FAM168A: variants seen among roughly 807,000 people sequenced by gnomAD.
The protein encoded by FAM168A is protein FAM168A.
Under a neutral mutation model 28.5 loss-of-function variants are expected in FAM168A, and 3 were observed. The ratio of observed to expected loss-of-function variants is 0.11; its 90% CI spans 0.05 to 0.27. The LOEUF (loss-of-function observed/expected upper bound fraction) is 0.27, where lower values mean the gene tolerates loss of function less well. Ranked by LOEUF, FAM168A falls within the 10% of genes least tolerant of loss-of-function variation. The probability of loss-of-function intolerance (pLI) is 1.00; values close to 1 mark genes in which losing one functional copy is unlikely to be tolerated. For missense variants in FAM168A, 222 were observed against 311.5 expected (o/e 0.71, Z 2.16); for synonymous variants, 122 against 124.2 (o/e 0.98, Z 0.12).
intron 1 of FAM168A, among the ~76,000 whole-genome samples, chr11:73,533,241 T>C (rs992043026): frequency 6.6e-6 from 1 of 152,120 alleles, no homozygotes; most frequent in Admixed American, 6.6e-5. Flanking sequence ...TGAGATAATA[T>C]AGATGAAAGC....
At chr11:73,442,955 G>GAGATATATATAT (rs1280345663) in intron 2 of FAM168A, among the ~76,000 whole-genome samples, 1 of 40,228 alleles carries the variant, frequency 2.5e-5, no homozygotes, top group African/African-American at 6.7e-5. Flanking sequence ...ATATACAAAG[G>GAGATATATATAT]ATATATATAT....
At chr11:73,501,330 T>C (rs534352130) in intron 1 of FAM168A, among the ~76,000 whole-genome samples, 11 of 152,316 alleles carry the variant, frequency 7.2e-5, no homozygotes, top group South Asian at 2.1e-4. Context: ...AACTTAGCTC[T>C]GGATCAAGTG....
intron 1 of FAM168A, among the ~76,000 whole-genome samples, chr11:73,584,510 G>A (rs1157504312): frequency 2.4e-5 from 3 of 126,948 alleles, no homozygotes; most frequent in Non-Finnish European, 3.1e-5. Flanking sequence ...GTCTTGCTCC[G>A]TCACCCAGGC....
rs769542145 is a variant in FAM168A, at chr11:73,411,502, C to T, written c.312G>A (p.Pro104=). The T allele has an allele frequency of 1.4e-5, 23 of 1,613,856 alleles. No homozygotes were observed. In the East Asian group the frequency reaches 1.8e-4, roughly 13 times the overall value. The change falls in exon 5 of 8, where the codon CCG becomes CCA. Residue 104 remains proline (P), a synonymous_variant. Coordinates refer to ENST00000356467, the MANE Select transcript of FAM168A (RefSeq NM_015159.3). ...YTAGTPYKVP[P]TQSNTAPPPY... is the part of the protein sequence containing the mutation. The stretch of plus-strand genomic sequence containing the variant: ...GGGGTGGAGCAGTGTTACTCTGGGT[C>T]GGTGGGACCTTGTATGGTGTCCCCG...
chr11:73,544,211 G>A (rs986539449), intron 1 of FAM168A, among the ~76,000 whole-genome samples: 3 of 152,082 alleles, frequency 2.0e-5, no homozygotes, highest in African/African-American at 7.2e-5. Context: ...CCAGGGAAAC[G>A]CACATCAAAC....
intron 1 of FAM168A, among the ~76,000 whole-genome samples, chr11:73,540,772 C>T (rs779596610): frequency 2.0e-5 from 3 of 152,010 alleles, no homozygotes; most frequent in Non-Finnish European, 4.4e-5. Flanking sequence ...TCTTTATTAA[C>T]ATGTTTGTTT....
At chr11:73,513,656 G>A (rs564650968) in intron 1 of FAM168A, among the ~76,000 whole-genome samples, 5 of 152,182 alleles carry the variant, frequency 3.3e-5, no homozygotes, top group South Asian at 2.1e-4. Flanking sequence ...CCTGGAGGAC[G>A]ACGGCCCTCC....
intron 5 of FAM168A, 140 bp from the exon 6 acceptor site, chr11:73,409,801 G>A: frequency 1.3e-6 from 1 of 799,828 alleles, no homozygotes; most frequent in South Asian, 2.0e-5. Flanking sequence ...GGTCAGTGCA[G>A]TGCTGGGCTC....
In FAM168A at chr11:73,559,771, G is replaced by T. The variant is rs547492333; in HGVS notation, c.-19+38152C>A. ...CCACTAAATTGTTCACTTTAAAGTGGTTAATTTCAACAATGATATATAAAT... is the reference window on the plus strand; with the variant it reads ...CCACTAAATTGTTCACTTTAAAGTGTTTAATTTCAACAATGATATATAAAT... On this transcript the variant is annotated intron_variant, in intron 1 of 7. Transcript: ENST00000356467. Among the ~76,000 whole-genome samples the T allele has an allele frequency of 2.7e-3, 416 of 152,292 alleles. 3 individuals are homozygous for T. The highest frequency in any genetic ancestry group is 9.5e-3 in the African/African-American group (394 of 41,558).
rs535627538 is a variant in FAM168A at position 73,444,023 on chromosome 11, A to C, written c.71-13253T>G. Among the ~76,000 whole-genome samples the C allele has an allele frequency of 1.9e-4, 29 of 152,358 alleles. 1 individual carries two copies. The South Asian group carries it at 5.8e-3, about 30-fold the overall frequency. ...CTCCTCTGGCTATCCTAAAGGAGCC[A>C]TCATAGTCCAGTGGGAAGAACGGGG... is the stretch of plus-strand genomic sequence containing the variant. On this transcript the variant is annotated intron_variant, in intron 2 of 7. Coordinates refer to ENST00000356467, the MANE Select transcript of FAM168A (RefSeq NM_015159.3).
At chr11:73,445,511 C>G (rs1867296414) in intron 2 of FAM168A, among the ~76,000 whole-genome samples, 1 of 145,410 alleles carries the variant, frequency 6.9e-6, no homozygotes, top group Admixed American at 7.0e-5. Context: ...AGTGATCCTC[C>G]CTCCTCAGCA....
At chr11:73,411,680 C>T (rs928900784) in intron 4 of FAM168A, 144 bp from the exon 5 acceptor site, 2 of 892,126 alleles carry the variant, frequency 2.2e-6, no homozygotes, top group Non-Finnish European at 3.5e-6. Context: ...GAGAACAGGG[C>T]TCCACCCAGA....
At position 73,405,375 on chromosome 11, in the gene FAM168A, G is replaced by C. The variant is rs947161936; in HGVS notation, c.*1388C>G. On this transcript the variant is annotated 3_prime_UTR_variant, in exon 8 of 8. Coordinates refer to ENST00000356467, the MANE Select transcript of FAM168A (RefSeq NM_015159.3). ...AAACAGGAGCCCAGAGACCATTCCAGACTCACCAGGTATGGGCGCTGCCGA... is the reference window on the plus strand; with the variant it reads ...AAACAGGAGCCCAGAGACCATTCCACACTCACCAGGTATGGGCGCTGCCGA... 1.3e-5 allele frequency: 2 copies of C among 152,136 alleles called. No individual in the cohort carries two copies. The highest frequency in any genetic ancestry group is 4.8e-5 in the African/African-American group (2 of 41,418). 9.4% of individuals were successfully genotyped at this position (152,136 alleles called of 1,614,324 possible).
At chr11:73,468,192 A>C (rs1021089625) in intron 2 of FAM168A, among the ~76,000 whole-genome samples, 1 of 152,238 alleles carries the variant, frequency 6.6e-6, no homozygotes, top group African/African-American at 2.4e-5. Context: ...AGACTCTCTA[A>C]AACACTCTCC....
At chr11:73,552,074 C>A (rs955955109) in intron 1 of FAM168A, among the ~76,000 whole-genome samples, 5 of 152,190 alleles carry the variant, frequency 3.3e-5, no homozygotes, top group African/African-American at 1.2e-4. Context: ...ACTTTCTTAT[C>A]TTTGACCTCA....
At chr11:73,554,004 AAAAAATAAAAAT>A in intron 1 of FAM168A, among the ~76,000 whole-genome samples, 1 of 151,766 alleles carries the variant, frequency 6.6e-6, no homozygotes, top group African/African-American at 2.4e-5. Flanking sequence ...CCCTATCTCA[AAAAAATAAAAAT>A]AAAAATAAAT....
chr11:73,420,319 A>G (rs753355771), intron 3 of FAM168A, among the ~76,000 whole-genome samples: 1 of 152,232 alleles, frequency 6.6e-6, no homozygotes, highest in African/African-American at 2.4e-5. Context: ...GCTCTGGTAT[A>G]TTCCTCAGCC....
Position 73,538,764 on chromosome 11 carries a change from CAA to C in FAM168A, c.-19+59157_-19+59158del, listed in dbSNP as rs1212691319. On this transcript the variant is annotated intron_variant, in intron 1 of 7. Transcript: ENST00000356467. ...GAGAAACCAAGCTTCTCTGAGGTGACAAAGAGTGTCTTCATTGTCATGGCTTG... is the reference window on the plus strand; with the variant it reads ...GAGAAACCAAGCTTCTCTGAGGTGACAGAGTGTCTTCATTGTCATGGCTTG... Among the ~76,000 whole-genome samples the C allele has an allele frequency of 3.9e-5, 6 of 152,158 alleles. No homozygotes were observed. In the South Asian group the frequency reaches 6.2e-4, roughly 16 times the overall value.
intron 1 of FAM168A, among the ~76,000 whole-genome samples, chr11:73,511,489 G>C (rs1403740203): frequency 6.6e-6 from 1 of 151,428 alleles, no homozygotes; most frequent in Admixed American, 6.6e-5. Flanking sequence ...TGCCCACCTT[G>C]GCTTCCCAAA....
Sources: gnomAD v4.1 joint callset for allele counts (sites outside exome capture counted in the v4.1 genomes callset) on GRCh38, gnomAD v4.1.1 for gene constraint, MANE v1.5 for transcripts, NCBI Gene and HGNC (gene_info 2026-07-23, HGNC 2026-07-21) for gene names.